SLC16A12: variants seen among roughly 807,000 people sequenced by gnomAD.
SLC16A12 encodes solute carrier family 16 member 12.
A neutral mutation model predicts 42.4 loss-of-function variants in SLC16A12; 17 were observed. That is an observed-to-expected ratio of 0.40 (90% CI 0.27 to 0.60). The LOEUF is 0.60. SLC16A12 is among the 20% of genes least tolerant of loss of function. The probability of loss-of-function intolerance (pLI) is 0.42; values close to 1 mark genes in which losing one functional copy is unlikely to be tolerated. For synonymous variants in SLC16A12, 224 were observed against 229.4 expected (o/e 0.98, Z 0.21); for missense variants, 544 against 623.0 (o/e 0.87, Z 1.35).
Position 89,431,286 on chromosome 10 carries a change from C to G in SLC16A12, c.*1778G>C, listed in dbSNP as rs895280967. The G allele has an allele frequency of 2.6e-5, 4 of 152,434 alleles. No homozygotes were observed. Among genetic ancestry groups the G allele is most frequent in the Admixed American group, 1.3e-4 (2 of 15,288 alleles). 9.4% of individuals were successfully genotyped at this position (152,434 alleles called of 1,614,324 possible). A position where few individuals can be genotyped will look rare whatever the true frequency, so the allele number is the denominator to read the frequency against. On this transcript the variant is annotated 3_prime_UTR_variant, in exon 8 of 8. Coordinates refer to ENST00000371790, the MANE Select transcript of SLC16A12 (RefSeq NM_213606.4). ...TGCTGGGATTACAGGCGTGAGCGAC[C>G]ATGCCCAGTCCCAAATATTTTTAAA...
chr10:89,493,127 T>A (rs1842870223), intron 2 of SLC16A12, among the ~76,000 whole-genome samples: 1 of 152,230 alleles, frequency 6.6e-6, no homozygotes, highest in African/African-American at 2.4e-5. Flanking sequence ...TACGTGTTGC[T>A]GAAATTGTTT....
chr10:89,438,607 C>T lies in SLC16A12; in HGVS notation c.1025G>A (p.Arg342Lys). Residue 342 changes from arginine to lysine, a missense_variant, in exon 6 of 8, where the codon AGA becomes AAA. Coordinates refer to ENST00000371790, the MANE Select transcript of SLC16A12 (RefSeq NM_213606.4). ...GNITFGWLTDRRCLKNYQYVC... is the reference protein window; with the variant it reads ...GNITFGWLTDKRCLKNYQYVC... ...ATTGTGGTTTCATGAATTTTACCTT[C>T]TGTCGGTCAGCCATCCAAATGTGAT... is the stretch of plus-strand genomic sequence containing the variant. 4 of 1,613,506 alleles carry T rather than the reference C, an allele frequency of 2.5e-6. No homozygotes were observed. Among genetic ancestry groups the T allele is most frequent in the Non-Finnish European group, 3.4e-6 (4 of 1,179,744 alleles).
At chr10:89,541,162 G>A (rs1345113066) in intron 2 of SLC16A12, among the ~76,000 whole-genome samples, 4 of 151,600 alleles carry the variant, frequency 2.6e-5, no homozygotes, top group African/African-American at 4.8e-5. Context: ...TCCTGACCTC[G>A]TGATCCGCCC....
rs1463542034 is a variant in SLC16A12, at chr10:89,487,955, G to GGT, written c.-46-25333_-46-25332dup. ...ACAGATGATTGGATAAAGAAAATGTGGTGTGTGTGTATATATATATATATA... is the reference window on the plus strand; with the variant it reads ...ACAGATGATTGGATAAAGAAAATGTGGTGTGTGTGTGTATATATATATATATA... On this transcript the variant is annotated intron_variant, in intron 2 of 7. Coordinates refer to ENST00000371790, the MANE Select transcript of SLC16A12 (RefSeq NM_213606.4). 2.8e-3 allele frequency among the ~76,000 whole-genome samples: 262 copies of GGT among 94,398 alleles called. 1 individual carries two copies. Among genetic ancestry groups the GGT allele is most frequent in the African/African-American group, 6.4e-3 (172 of 26,694 alleles). The allele number at this position is 94,398 out of a possible 152,430, so 61.9% of individuals were successfully genotyped here.
chr10:89,533,600 T>C (rs961704614), intron 2 of SLC16A12, among the ~76,000 whole-genome samples: 1 of 152,018 alleles, frequency 6.6e-6, no homozygotes, highest in Non-Finnish European at 1.5e-5. Flanking sequence ...ATCATTACCA[T>C]AGAGGGTGCT....
In SLC16A12 at chr10:89,441,255, CA is replaced by C. The variant is rs1841905659; in HGVS notation, c.305-5del. ...CTGACAACACTCCCAAGTGGAGCTTCAAAAACAATAAGAAATAGGTTCAACA... is the reference window on the plus strand; with the variant it reads ...CTGACAACACTCCCAAGTGGAGCTTCAAAACAATAAGAAATAGGTTCAACA... On this transcript the variant is annotated splice_polypyrimidine_tract_variant and splice_region_variant and intron_variant, in intron 4 of 7. Coordinates refer to ENST00000371790, the MANE Select transcript of SLC16A12 (RefSeq NM_213606.4). 2 of 1,613,972 alleles carry C rather than the reference CA, an allele frequency of 1.2e-6. No individual in the cohort carries two copies. The highest frequency in any genetic ancestry group is 1.7e-6 in the Non-Finnish European group (2 of 1,179,930).
At chr10:89,463,505 AAAG>A (rs1454586994) in intron 2 of SLC16A12, among the ~76,000 whole-genome samples, 2 of 152,208 alleles carry the variant, frequency 1.3e-5, no homozygotes, top group Non-Finnish European at 2.9e-5. Context: ...GTAAAAAAAT[AAAG>A]AAGTAGTTAA....
At chr10:89,502,228 A>T (rs1842999919) in intron 2 of SLC16A12, among the ~76,000 whole-genome samples, 1 of 152,112 alleles carries the variant, frequency 6.6e-6, no homozygotes, top group African/African-American at 2.4e-5. Context: ...AGGTGGGCAG[A>T]TCATGAGGTC....
At chr10:89,508,270 A>G (rs1843101135) in intron 2 of SLC16A12, among the ~76,000 whole-genome samples, 1 of 152,232 alleles carries the variant, frequency 6.6e-6, no homozygotes, top group Admixed American at 6.5e-5. Context: ...TCAATAGAAT[A>G]TACATTCTTC....
intron 2 of SLC16A12, among the ~76,000 whole-genome samples, chr10:89,521,525 A>T (rs572855821): frequency 6.6e-6 from 1 of 152,316 alleles, no homozygotes; most frequent in African/African-American, 2.4e-5. Context: ...ACATGGCTAA[A>T]CTACAGAAGC....
chr10:89,445,359 G>T (rs56034014), intron 3 of SLC16A12, among the ~76,000 whole-genome samples: 3 of 152,332 alleles, frequency 2.0e-5, no homozygotes, highest in African/African-American at 7.2e-5. Flanking sequence ...ACAGCCAGGT[G>T]CCCCTCTCAG....
At chr10:89,513,455 G>T (rs1843195418) in intron 2 of SLC16A12, among the ~76,000 whole-genome samples, 1 of 152,138 alleles carries the variant, frequency 6.6e-6, no homozygotes, top group East Asian at 1.9e-4. Flanking sequence ...ACTCACTGTG[G>T]TCATTCACAA....
intron 2 of SLC16A12, among the ~76,000 whole-genome samples, chr10:89,498,557 T>C (rs1842954667): frequency 6.6e-6 from 1 of 152,138 alleles, no homozygotes; most frequent in South Asian, 2.1e-4. Flanking sequence ...TTTTAAAATG[T>C]TAAGAAATAG....
chr10:89,474,310 TACCCAA>T (rs1842543562), intron 2 of SLC16A12, among the ~76,000 whole-genome samples: 1 of 152,156 alleles, frequency 6.6e-6, no homozygotes, highest in South Asian at 2.1e-4. Context: ...CCTCTCACCT[TACCCAA>T]ACCCAAACAA....
At chr10:89,482,390 A>G (rs2133789652) in intron 2 of SLC16A12, among the ~76,000 whole-genome samples, 1 of 152,348 alleles carries the variant, frequency 6.6e-6, no homozygotes, top group East Asian at 1.9e-4. Context: ...GTTTGAGGTC[A>G]TGGGTTTTAG....
chr10:89,548,632 A>G (rs1843754190), intron 2 of SLC16A12, among the ~76,000 whole-genome samples: 1 of 152,172 alleles, frequency 6.6e-6, no homozygotes, highest in East Asian at 1.9e-4. Context: ...CCTGGCCAAC[A>G]TGGTGAAACC....
upstream of SLC16A12, among the ~76,000 whole-genome samples, chr10:89,538,504 G>C (rs73363831): frequency 6.6e-6 from 1 of 152,192 alleles, no homozygotes; most frequent in East Asian, 1.9e-4. Context: ...CACTCAAAAC[G>C]TTTTCTTCAT....
chr10:89,446,789 C>T (rs908874516), intron 3 of SLC16A12, among the ~76,000 whole-genome samples: 6 of 151,954 alleles, frequency 3.9e-5, no homozygotes, highest in Admixed American at 2.0e-4. Flanking sequence ...GGCTAAATAC[C>T]CCAATTAAAA....
At chr10:89,553,097 C>T (rs181749193) in intron 2 of SLC16A12, among the ~76,000 whole-genome samples, 6 of 152,144 alleles carry the variant, frequency 3.9e-5, no homozygotes, top group East Asian at 1.9e-4. Context: ...TCACCACACC[C>T]GCATGCCTAT....
Sources: gnomAD v4.1 joint callset for allele counts (sites outside exome capture counted in the v4.1 genomes callset) on GRCh38, gnomAD v4.1.1 for gene constraint, MANE v1.5 for transcripts, NCBI Gene and HGNC (gene_info 2026-07-23, HGNC 2026-07-21) for gene names.